SRRD: variants seen among roughly 807,000 people sequenced by gnomAD.
SRRD encodes SRR1 domain containing.
Under a neutral mutation model 30.7 loss-of-function variants are expected in SRRD, and 28 were observed. That is an observed-to-expected ratio of 0.91 (90% confidence interval 0.68 to 1.25). The LOEUF (loss-of-function observed/expected upper bound fraction) is 1.25, where lower values mean the gene tolerates loss of function less well. SRRD is among the 50% of genes most tolerant of loss of function. SRRD has a pLI of 0.00. For missense variants in SRRD, 415 were observed against 417.3 expected (o/e 0.99, Z 0.05); for synonymous variants, 161 against 159.6 (o/e 1.01, Z -0.07).
rs1602188084 is a variant in SRRD at position 26,491,812 on chromosome 22, C to T, written c.*140C>T. 1 of 936,390 alleles carries T rather than the reference C, an allele frequency of 1.1e-6. No homozygotes were observed. The highest frequency in any genetic ancestry group is 1.6e-6 in the Non-Finnish European group (1 of 637,672). 58.0% of individuals were successfully genotyped at this position (936,390 alleles called of 1,614,324 possible). Reference sequence around the variant, plus strand: ...TGGCTGTCCTGTTTTGAGGACGATACCCCACATGAGGACTTGGTATAAAGA... The same window carrying T: ...TGGCTGTCCTGTTTTGAGGACGATATCCCACATGAGGACTTGGTATAAAGA... On this transcript the variant is annotated 3_prime_UTR_variant, in exon 7 of 7. Transcript: ENST00000215917.
Position 26,483,929 on chromosome 22 carries a change from G to A in SRRD, c.39G>A (p.Gln13=). ...CAGCTGCGGCGCTGGAATCCTGGCA[G>A]GCGGCGGCTCCGCGGAAGAGGCGCT... ...AAAAAALESW[Q]AAAPRKRRSA... Residue 13 remains glutamine (Q), a synonymous_variant, in exon 1 of 7, where the codon CAG becomes CAA. Transcript: ENST00000215917. 7.4e-7 allele frequency: 1 copy of A among 1,350,180 alleles called. No homozygotes were observed. 83.6% of individuals were successfully genotyped at this position (1,350,180 alleles called of 1,614,324 possible).
rs776851933 is a variant in SRRD, at chr22:26,492,284, A to G, written c.*612A>G. ...GTTCTCAGCCTCCCGCCTCTCCTGC[A>G]TGGCCTCGTACTGGAAGTCCTTCCT... On this transcript the variant is annotated 3_prime_UTR_variant, in exon 7 of 7. Transcript: ENST00000215917. 2 of 1,614,208 alleles carry G rather than the reference A, an allele frequency of 1.2e-6. No homozygotes were observed. Among genetic ancestry groups the G allele is most frequent in the Non-Finnish European group, 1.7e-6 (2 of 1,180,038 alleles).
chr22:26,484,220 A>G (rs948422213), intron 1 of SRRD, 121 bp downstream of exon 1: 1 of 1,056,568 alleles, frequency 9.5e-7, no homozygotes, highest in Non-Finnish European at 1.4e-6. Flanking sequence ...GTGAAGAGTT[A>G]ACGTAGGTAA....
intron 4 of SRRD, among the ~76,000 whole-genome samples, chr22:26,488,796 A>G (rs977973045): frequency 2.6e-5 from 4 of 152,250 alleles, no homozygotes; most frequent in African/African-American, 4.8e-5. Context: ...ACTGAAACAT[A>G]AAAGTCTAGG....
intron 2 of SRRD, among the ~76,000 whole-genome samples, chr22:26,487,602 C>T (rs758140491): frequency 2.5e-4 from 38 of 152,198 alleles, no homozygotes; most frequent in Non-Finnish European, 5.3e-4. Flanking sequence ...CTCAGGCGAT[C>T]CACTCACCTA....
In SRRD at chr22:26,490,571, T is replaced by TTTTTTTTTTTG. The variant is rs1921039187; in HGVS notation, c.764+374_764+384dup. ...ACTGGAATATTTGCTTTTTTTTTTT[T>TTTTTTTTTTTG]TTTTTTTTTTGAGATGGAGTCTCAC... On this transcript the variant is annotated intron_variant, in intron 5 of 6. Transcript: ENST00000215917. 1.6e-5 allele frequency among the ~76,000 whole-genome samples: 2 copies of TTTTTTTTTTTG among 121,808 alleles called. 1 individual carries two copies. The highest frequency in any genetic ancestry group is 1.7e-4 in the Admixed American group (2 of 11,514). 79.9% of individuals were successfully genotyped at this position (121,808 alleles called of 152,430 possible).
Position 26,490,190 on chromosome 22 carries a change from TGAG to T in SRRD, c.760_762del (p.Glu254del), listed in dbSNP as rs770332811. On this transcript the variant is annotated inframe_deletion, in exon 5 of 7. Transcript: ENST00000215917. ...TCATTGGGAACAGTTTCAAAGGACT[TGAG>T]GAGAGGTAAGTCTGAGAATGCTGAG... 6.2e-7 allele frequency: 1 copy of T among 1,613,952 alleles called. No homozygotes were observed. Among genetic ancestry groups the T allele is most frequent in the African/African-American group, 1.3e-5 (1 of 74,896 alleles).
Position 26,493,450 on chromosome 22 carries a change from C to A in SRRD, c.*1778C>A, listed in dbSNP as rs1921487390. On this transcript the variant is annotated 3_prime_UTR_variant, in exon 7 of 7. Transcript: ENST00000215917. ...GCTGGGCTTATCTGTAAAACACAGACTAGACGATCCCATTTCAATGCTGCG... is the reference window on the plus strand; with the variant it reads ...GCTGGGCTTATCTGTAAAACACAGAATAGACGATCCCATTTCAATGCTGCG... The A allele has an allele frequency of 6.6e-6, 1 of 152,388 alleles. No individual in the cohort carries two copies. The allele number at this position is 152,388 out of a possible 1,614,324, so 9.4% of individuals were successfully genotyped here. A position where few individuals can be genotyped will look rare whatever the true frequency, so the allele number is the denominator to read the frequency against.
chr22:26,490,559 C>CTTTTTTTTGTTTTT (rs1921028050), intron 5 of SRRD, among the ~76,000 whole-genome samples: 1 of 51,834 alleles, frequency 1.9e-5, no homozygotes, highest in African/African-American at 7.3e-5. Flanking sequence ...GGAATATTTG[C>CTTTTTTTTGTTTTT]TTTTTTTTTT....
Position 26,483,963 on chromosome 22 carries a change from C to G in SRRD, c.73C>G (p.Arg25Gly), listed in dbSNP as rs2091609149. The G allele has an allele frequency of 2.9e-6, 4 of 1,365,624 alleles. No homozygotes were observed. The highest frequency in any genetic ancestry group is 3.7e-6 in the Non-Finnish European group (4 of 1,069,500). 84.6% of individuals were successfully genotyped at this position (1,365,624 alleles called of 1,614,324 possible). The change falls in exon 1 of 7, where the codon CGA (arginine) becomes GGA (glycine). Residue 25 changes from arginine (R) to glycine (G), a missense_variant. By Grantham distance (125) the Arg-to-Gly change is moderately radical. Coordinates refer to ENST00000215917, the MANE Select transcript of SRRD (RefSeq NM_001013694.3). ...AAPRKRRSAA[R>G]RPRRREAAPR... ...TCCGCGGAAGAGGCGCTCCGCGGCT[C>G]GACGGCCGCGGCGGAGGGAGGCGGC...
chr22:26,484,241 A>T, intron 1 of SRRD, 142 bp downstream of exon 1: 1 of 934,890 alleles, frequency 1.1e-6, no homozygotes, highest in Non-Finnish European at 1.6e-6. Context: ...CGAGCTCATT[A>T]AAGATGTGGA....
chr22:26,491,584 G>T lies in SRRD; in HGVS notation c.932G>T (p.Trp311Leu). 1 of 1,614,140 alleles carries T rather than the reference G, an allele frequency of 6.2e-7. No homozygotes were observed. ...CTAGAACAGCTCTCCATAGATATTT[G>T]GGAGTTTCGGGAAGAACCAGATTAT... Reference protein sequence around the residue: ...QKLEQLSIDIWEFREEPDYQD... With the variant: ...QKLEQLSIDILEFREEPDYQD... Residue 311 changes from tryptophan (W) to leucine (L), a missense_variant, in exon 7 of 7, where the codon TGG becomes TTG. Coordinates refer to ENST00000215917, the MANE Select transcript of SRRD (RefSeq NM_001013694.3).
At chr22:26,488,949 G>C (rs2091728685) in intron 4 of SRRD, among the ~76,000 whole-genome samples, 2 of 152,190 alleles carry the variant, frequency 1.3e-5, no homozygotes, top group Admixed American at 1.3e-4. Context: ...CTCTGCCCAT[G>C]TTTGCACCCC....
Position 26,490,987 on chromosome 22 carries a change from GTTT to G in SRRD, c.765-30_765-28del, listed in dbSNP as rs34878449. The stretch of plus-strand genomic sequence containing the variant: ...TATCCTCATACCTCCTAATCATGGT[GTTT>G]TTTTTTTGTTTTTTTGGTTTTTTTT... On this transcript the variant is annotated intron_variant, in intron 5 of 6. Transcript: ENST00000215917. 6 of 1,448,664 alleles carry G rather than the reference GTTT, an allele frequency of 4.1e-6. No individual in the cohort carries two copies. The East Asian group carries it at 7.0e-5, about 17-fold the overall frequency. The allele number at this position is 1,448,664 out of a possible 1,614,324, so 89.7% of individuals were successfully genotyped here.
At chr22:26,485,483 A>G (rs2091688894) in intron 1 of SRRD, among the ~76,000 whole-genome samples, 1 of 152,002 alleles carries the variant, frequency 6.6e-6, no homozygotes. Context: ...GGTCTGTAAA[A>G]CCAGTTGACT....
Position 26,491,541 on chromosome 22 carries a change from T to C in SRRD, c.889T>C (p.Trp297Arg). The C allele has an allele frequency of 6.2e-7, 1 of 1,614,154 alleles. No individual in the cohort carries two copies. Among genetic ancestry groups the C allele is most frequent in the Non-Finnish European group, 8.5e-7 (1 of 1,179,972 alleles). ...CATATTTAATGATACCTCTGTCCAC[T>C]GGTTCCCTGTGCAAAAGCTAGAACA... ...MDIFNDTSVHWFPVQKLEQLS... is the reference protein window; with the variant it reads ...MDIFNDTSVHRFPVQKLEQLS... The change falls in exon 7 of 7, where the codon TGG becomes CGG. Residue 297 changes from tryptophan (W) to arginine (R), a missense_variant. Coordinates refer to ENST00000215917, the MANE Select transcript of SRRD (RefSeq NM_001013694.3).
In SRRD at chr22:26,491,545, T is replaced by C. The variant is rs764459030; in HGVS notation, c.893T>C (p.Phe298Ser). 1.2e-6 allele frequency: 2 copies of C among 1,614,020 alleles called. No homozygotes were observed. The highest frequency in any genetic ancestry group is 1.7e-6 in the Non-Finnish European group (2 of 1,179,996). The change falls in exon 7 of 7, where the codon TTC becomes TCC. Residue 298 changes from phenylalanine to serine, a missense_variant. Physicochemically the swap from Phe to Ser is radical, Grantham distance 155. Coordinates refer to ENST00000215917, the MANE Select transcript of SRRD (RefSeq NM_001013694.3). The part of the protein sequence containing the change: ...DIFNDTSVHW[F>S]PVQKLEQLSI... ...TTTAATGATACCTCTGTCCACTGGT[T>C]CCCTGTGCAAAAGCTAGAACAGCTC... is the stretch of plus-strand genomic sequence containing the variant.
intron 6 of SRRD, 186 bp from the exon 7 acceptor site, chr22:26,491,277 A>G (rs1602186727): frequency 1.4e-6 from 1 of 708,710 alleles, no homozygotes; most frequent in South Asian, 1.9e-5. Flanking sequence ...TTAGTATCAC[A>G]GTCCATGATA....
intron 4 of SRRD, 114 bp from the exon 5 acceptor site, chr22:26,489,930 T>A (rs1299880952): frequency 8.1e-7 from 1 of 1,237,120 alleles, no homozygotes; most frequent in Non-Finnish European, 1.1e-6. Flanking sequence ...ATGAGCTTTT[T>A]TCCTTTTGAT....
Sources: gnomAD v4.1 joint callset for allele counts (sites outside exome capture counted in the v4.1 genomes callset) on GRCh38, gnomAD v4.1.1 for gene constraint, MANE v1.5 for transcripts, NCBI Gene and HGNC (gene_info 2026-07-23, HGNC 2026-07-21) for gene names.